SYT15B: variants seen among roughly 807,000 people sequenced by gnomAD.
SYT15B encodes the protein synaptotagmin 15B.
At chr10:47,763,435 C>G in the SYT15B span, 1 of 981,122 alleles carries the variant, frequency 1.0e-6, no homozygotes, top group East Asian at 1.2e-4. Context: ...CTCGTAAGGG[C>G]GGCTGGCCTG....
the SYT15B span, among the ~76,000 whole-genome samples, chr10:47,749,293 G>A: frequency 1.4e-5 from 2 of 140,510 alleles, no homozygotes; most frequent in East Asian, 4.2e-4. Flanking sequence ...CAGCAGATGT[G>A]CATACACAAA....
the SYT15B span, among the ~76,000 whole-genome samples, chr10:47,748,985 TC>T: frequency 1.0e-5 from 1 of 98,588 alleles, no homozygotes; most frequent in Non-Finnish European, 2.1e-5. Context: ...GTAATCCCAG[TC>T]CTTTGGGAGG....
the SYT15B span, chr10:47,763,090 GC>G: frequency 2.0e-6 from 2 of 996,942 alleles, no homozygotes; most frequent in Non-Finnish European, 2.4e-6. Flanking sequence ...CCAGGACTGA[GC>G]CCCCGCCCTC....
At chr10:47,755,647 A>G in the SYT15B span, among the ~76,000 whole-genome samples, 26 of 132,954 alleles carry the variant, frequency 2.0e-4, no homozygotes, top group African/African-American at 6.0e-4. Context: ...AGTAGCTGGG[A>G]TTACAGGGGT....
the SYT15B span, chr10:47,762,655 A>G: frequency 1.3e-6 from 1 of 753,864 alleles, no homozygotes; most frequent in African/African-American, 2.0e-5. Context: ...CTGCTCCCGC[A>G]GGCTGGTCTC....
At chr10:47,763,286 A>G in the SYT15B span, 4 of 983,654 alleles carry the variant, frequency 4.1e-6, no homozygotes, top group Admixed American at 6.2e-5. Flanking sequence ...ACCGGTCGAG[A>G]GCGCAATTCT....
the SYT15B span, among the ~76,000 whole-genome samples, chr10:47,748,680 G>A: frequency 3.3e-5 from 5 of 152,192 alleles, no homozygotes; most frequent in East Asian, 1.9e-4. Context: ...GTAGAGGGGG[G>A]GGATCTTGCT....
At chr10:47,755,155 CTA>C in the SYT15B span, among the ~76,000 whole-genome samples, 1 of 151,544 alleles carries the variant, frequency 6.6e-6, no homozygotes. Flanking sequence ...CAGAATTTTA[CTA>C]TGTTGGCCAG....
At chr10:47,753,213 G>A in the SYT15B span, 73 of 866,230 alleles carry the variant, frequency 8.4e-5, no homozygotes, top group Non-Finnish European at 9.5e-5. Context: ...TGACGTGCAG[G>A]CTGCACGATG....
chr10:47,756,981 C>A, the SYT15B span, among the ~76,000 whole-genome samples: 1 of 127,388 alleles, frequency 7.9e-6, no homozygotes, highest in East Asian at 2.3e-4. Context: ...TGGGTTAGAA[C>A]CCTCCGTAGG....
chr10:47,748,332 C>T, the SYT15B span, among the ~76,000 whole-genome samples: 1 of 145,538 alleles, frequency 6.9e-6, no homozygotes, highest in Non-Finnish European at 1.5e-5. Context: ...CTGCCTCAGT[C>T]TCCCGAATAG....
chr10:47,745,931 C>CAAGG, the SYT15B span, among the ~76,000 whole-genome samples: 29 of 150,888 alleles, frequency 1.9e-4, no homozygotes, highest in African/African-American at 6.8e-4. Context: ...TATGCATCTG[C>CAAGG]ACAATGCAGC....
chr10:47,750,849 C>A, the SYT15B span: 3 of 151,878 alleles, frequency 2.0e-5, no homozygotes, highest in Non-Finnish European at 4.4e-5. Context: ...AACCTGCACA[C>A]ACACACAAAA....
At chr10:47,753,122 A>T in the SYT15B span, 69 of 561,732 alleles carry the variant, frequency 1.2e-4, no homozygotes, top group East Asian at 3.0e-4. Flanking sequence ...AAATTAAAAT[A>T]AAAAAAAAAA....
the SYT15B span, among the ~76,000 whole-genome samples, chr10:47,756,549 C>T: frequency 7.0e-6 from 1 of 142,304 alleles, no homozygotes; most frequent in African/African-American, 2.6e-5. Context: ...GCCCCCAGGC[C>T]CCCTGGGGCC....
the SYT15B span, among the ~76,000 whole-genome samples, chr10:47,755,545 G>A: frequency 1.2e-3 from 173 of 142,142 alleles, no homozygotes; most frequent in Admixed American, 1.6e-3. Context: ...GTGAGCCACC[G>A]TGCCCGGCCC....
At chr10:47,745,045 G>A in the SYT15B span, among the ~76,000 whole-genome samples, 39,381 of 149,736 alleles carry the variant, frequency 0.26, 4,658 homozygotes, top group Non-Finnish European at 0.37. Flanking sequence ...GGCATTGGGC[G>A]GGTAGCAGTG....
At chr10:47,762,149 C>T in the SYT15B span, among the ~76,000 whole-genome samples, 1 of 148,782 alleles carries the variant, frequency 6.7e-6, no homozygotes, top group African/African-American at 2.5e-5. Context: ...TCTCTAACAC[C>T]CGCTCCCTCC....
At chr10:47,749,296 T>C in the SYT15B span, among the ~76,000 whole-genome samples, 1 of 140,122 alleles carries the variant, frequency 7.1e-6, no homozygotes, top group East Asian at 2.1e-4. Flanking sequence ...CAGATGTGCA[T>C]ACACAAAAAA....
Sources: allele counts gnomAD v4.1 joint callset (sites outside exome capture counted in the v4.1 genomes callset), GRCh38; gene constraint gnomAD v4.1.1; transcripts MANE v1.5; gene names NCBI Gene and HGNC (gene_info 2026-07-23, HGNC 2026-07-21).